The following JAKMIP2 variants were observed in gnomAD, a reference collection of about 807,000 sequenced individuals.
JAKMIP2 encodes the protein janus kinase and microtubule-interacting protein 2.
In JAKMIP2, 25 loss-of-function variants were observed where a neutral mutation model predicts 115.0. The observed-to-expected ratio is 0.22, with a 90% confidence interval of 0.16 to 0.30. The LOEUF (loss-of-function observed/expected upper bound fraction) is 0.30. Among genes scored for constraint, JAKMIP2 ranks in the 10% least tolerant of loss-of-function variants. The probability of loss-of-function intolerance (pLI) is 1.00; values close to 1 mark genes in which losing one functional copy is unlikely to be tolerated. For synonymous variants in JAKMIP2, 334 were observed against 343.6 expected (o/e 0.97, Z 0.31); for missense variants, 642 against 957.6 (o/e 0.67, Z 4.35).
chr5:147,682,735 T>G (rs887192841), intron 1 of JAKMIP2, among the ~76,000 whole-genome samples: 2 of 152,214 alleles, frequency 1.3e-5, no homozygotes, highest in Non-Finnish European at 2.9e-5. Context: ...TTCTTTTATT[T>G]TGCAGGAGCC....
chr5:147,627,680 A>AAG (rs1757161829), intron 16 of JAKMIP2, among the ~76,000 whole-genome samples: 1 of 133,194 alleles, frequency 7.5e-6, no homozygotes. Context: ...CCTTTCTGTA[A>AAG]AAAAAAAAAA....
chr5:147,660,476 T>C (rs775909546), intron 3 of JAKMIP2: 14 of 455,110 alleles, frequency 3.1e-5, no homozygotes, highest in South Asian at 2.2e-4. Context: ...AAGAAAAGAC[T>C]CAAGATGTTC....
At chr5:147,611,786 C>A (rs1358389954) in intron 20 of JAKMIP2, among the ~76,000 whole-genome samples, 1 of 152,166 alleles carries the variant, frequency 6.6e-6, no homozygotes, top group Non-Finnish European at 1.5e-5. Context: ...GTTGTTATAT[C>A]CCTCAAAAAC....
intron 1 of JAKMIP2, among the ~76,000 whole-genome samples, chr5:147,745,146 G>C (rs1754306098): frequency 6.6e-6 from 1 of 150,414 alleles, no homozygotes; most frequent in African/African-American, 2.4e-5. Context: ...TTGAACACTA[G>C]AACCTAAGGG....
chr5:147,661,814 G>A, intron 2 of JAKMIP2: 1 of 230,460 alleles, frequency 4.3e-6, no homozygotes, highest in Non-Finnish European at 8.5e-6. Context: ...AAATCCCCAT[G>A]TGATTGGTAT....
At chr5:147,777,133 GCAGA>G (rs1167607489) in intron 1 of JAKMIP2, among the ~76,000 whole-genome samples, 1 of 152,058 alleles carries the variant, frequency 6.6e-6, no homozygotes, top group Non-Finnish European at 1.5e-5. Flanking sequence ...TTCATTATCA[GCAGA>G]CAAAGAATGA....
At chr5:147,660,921 T>C in intron 3 of JAKMIP2, 27 bp downstream of exon 3, 2 of 1,607,104 alleles carry the variant, frequency 1.2e-6, no homozygotes, top group Non-Finnish European at 8.5e-7. Context: ...GGGTTCTACA[T>C]GGGTCTGATG....
At chr5:147,687,983 T>A (rs573823900) in intron 1 of JAKMIP2, among the ~76,000 whole-genome samples, 179 of 152,364 alleles carry the variant, frequency 1.2e-3, no homozygotes, top group Non-Finnish European at 1.9e-3. Flanking sequence ...CTTTGATGTG[T>A]CTGACAAAAT....
intron 1 of JAKMIP2, among the ~76,000 whole-genome samples, chr5:147,762,706 G>C (rs1424889599): frequency 6.6e-6 from 1 of 152,106 alleles, no homozygotes; most frequent in Admixed American, 6.6e-5. Context: ...TTGAAGATTA[G>C]GGCTTCAACA....
intron 1 of JAKMIP2, among the ~76,000 whole-genome samples, chr5:147,699,168 T>C (rs1752227915): frequency 6.6e-6 from 1 of 152,182 alleles, no homozygotes; most frequent in African/African-American, 2.4e-5. Flanking sequence ...ACATTTGAAA[T>C]GTAGGGTAAA....
intron 1 of JAKMIP2, among the ~76,000 whole-genome samples, chr5:147,684,812 G>C (rs1261368914): frequency 1.3e-5 from 2 of 152,144 alleles, no homozygotes; most frequent in African/African-American, 4.8e-5. Flanking sequence ...AAAGAAATTA[G>C]AGGCTGTAGG....
At chr5:147,763,104 C>G (rs1430815616) in intron 1 of JAKMIP2, among the ~76,000 whole-genome samples, 5 of 152,094 alleles carry the variant, frequency 3.3e-5, no homozygotes, top group African/African-American at 1.2e-4. Context: ...TGAGACTACT[C>G]CAGTTCCAAA....
intron 17 of JAKMIP2, among the ~76,000 whole-genome samples, chr5:147,622,166 C>T (rs77456755): frequency 0.11 from 17,323 of 152,210 alleles, 1,342 homozygotes; most frequent in South Asian, 0.27. Flanking sequence ...TGTGCCCAGA[C>T]GAATCTTGTT....
In JAKMIP2 at chr5:147,654,190, A is replaced by ATGGG. The variant is rs550982911; in HGVS notation, c.628-3647_628-3644dup. Among the ~76,000 whole-genome samples, 27 of 150,094 alleles carry ATGGG rather than the reference A, an allele frequency of 1.8e-4. No homozygotes were observed. The South Asian group carries it at 5.7e-3, about 32-fold the overall frequency. ...TTTTGCTTAGGACTGTGTTGGCTATATGGGCTCTTTTTGGTTCCATATGAA... is the reference window on the plus strand; with the variant it reads ...TTTTGCTTAGGACTGTGTTGGCTATATGGGTGGGCTCTTTTTGGTTCCATATGAA... On this transcript the variant is annotated intron_variant, in intron 3 of 21. Coordinates refer to ENST00000616793, the MANE Select transcript of JAKMIP2 (RefSeq NM_001270941.2).
In JAKMIP2 at chr5:147,644,914, A is replaced by AGT; in HGVS notation, c.1017_1018dup (p.Leu340HisfsTer2). The AGT allele has an allele frequency of 6.2e-7, 1 of 1,613,750 alleles. No homozygotes were observed. On this transcript the variant is annotated frameshift_variant, in exon 6 of 22. Transcript: ENST00000616793. LOFTEE classifies it high-confidence loss of function. Reference sequence around the variant, plus strand: ...TTCCATGCGCTGCAAGGACACCATCAGTTCATCGTTTCTCTTGGCGAGGCA... The same window carrying AGT: ...TTCCATGCGCTGCAAGGACACCATCAGTGTTCATCGTTTCTCTTGGCGAGGCA...
At chr5:147,620,232 C>G (rs1756783971) in intron 18 of JAKMIP2, among the ~76,000 whole-genome samples, 1 of 152,102 alleles carries the variant, frequency 6.6e-6, no homozygotes, top group Non-Finnish European at 1.5e-5. Context: ...GTGGCTAGTA[C>G]TACAAAGTGC....
intron 19 of JAKMIP2, among the ~76,000 whole-genome samples, chr5:147,617,048 A>G (rs1756621737): frequency 6.6e-6 from 1 of 152,216 alleles, no homozygotes; most frequent in African/African-American, 2.4e-5. Context: ...GACACTTTCA[A>G]TGCTGGAATC....
In JAKMIP2 at chr5:147,589,516, G is replaced by A. The variant is rs1307263602; in HGVS notation, c.*2191C>T. On this transcript the variant is annotated 3_prime_UTR_variant, in exon 22 of 22. Transcript: ENST00000616793. ...ATCTTCCCAGTAGGGCATACCACCT[G>A]GCTTTCCTCCAGAATAAAAGATAAT... The A allele has an allele frequency of 6.6e-6, 1 of 151,582 alleles. No homozygotes were observed. Among genetic ancestry groups the A allele is most frequent in the African/African-American group, 2.4e-5 (1 of 41,340 alleles). The allele number at this position is 151,582 out of a possible 1,614,324, so 9.4% of individuals were successfully genotyped here.
chr5:147,693,593 C>T (rs527981731), intron 1 of JAKMIP2, among the ~76,000 whole-genome samples: 9 of 151,950 alleles, frequency 5.9e-5, no homozygotes, highest in East Asian at 5.8e-4. Flanking sequence ...AAAAAAGGGG[C>T]TGAAAACATA....
Sources: allele counts gnomAD v4.1 joint callset (sites outside exome capture counted in the v4.1 genomes callset), GRCh38; gene constraint gnomAD v4.1.1; transcripts MANE v1.5; gene names NCBI Gene and HGNC (gene_info 2026-07-23, HGNC 2026-07-21).